The following DENND2B variants were observed in gnomAD, a reference collection of about 807,000 sequenced individuals.
The protein encoded by DENND2B is DENN domain-containing protein 2B.
In DENND2B, 32 loss-of-function variants were observed where a neutral mutation model predicts 116.0. That is an observed-to-expected ratio of 0.28 (90% CI 0.21 to 0.37). The LOEUF is 0.37. DENND2B is among the 10% of genes least tolerant of loss of function. DENND2B has a pLI of 1.00. For missense variants in DENND2B, 1,276 were observed against 1,477.7 expected (o/e 0.86, Z 2.24); for synonymous variants, 588 against 583.9 (o/e 1.01, Z -0.10).
Position 8,759,032 on chromosome 11 carries a change from G to A in DENND2B, c.-25-8307C>T, listed in dbSNP as rs1384917115. ...AGGCTGACAGCTTTTGCTCAGTCCAGCCTTCACCAGACAACTCTCTACCAT... is the reference window on the plus strand; with the variant it reads ...AGGCTGACAGCTTTTGCTCAGTCCAACCTTCACCAGACAACTCTCTACCAT... On this transcript the variant is annotated intron_variant, in intron 1 of 19. Coordinates refer to ENST00000313726, the MANE Select transcript of DENND2B (RefSeq NM_213618.2). 2.6e-5 allele frequency among the ~76,000 whole-genome samples: 4 copies of A among 152,154 alleles called. 1 individual carries two copies. Among genetic ancestry groups the A allele is most frequent in the African/African-American group, 9.7e-5 (4 of 41,440 alleles).
intron 1 of DENND2B, among the ~76,000 whole-genome samples, chr11:8,806,636 A>ACACACACACACACC (rs1426363936): frequency 7.9e-5 from 12 of 151,712 alleles, no homozygotes; most frequent in African/African-American, 2.7e-4. Flanking sequence ...ACACACACAC[A>ACACACACACACACC]CACCCAGGAG....
In DENND2B at chr11:8,693,728, C is replaced by A. The variant is rs3751072; in HGVS notation, c.*368G>T. ...GCAGCGGGGACCTCAGGCAGGCAGG[C>A]AGGCCGAAGGCCTCCAGGGAAGATC... On this transcript the variant is annotated 3_prime_UTR_variant, in exon 20 of 20. Transcript: ENST00000313726. 0.043 allele frequency: 9,136 copies of A among 212,244 alleles called. 266 individuals are homozygous for A. The highest frequency in any genetic ancestry group is 0.078 in the South Asian group (691 of 8,880). 13.1% of individuals were successfully genotyped at this position (212,244 alleles called of 1,614,324 possible). A position where few individuals can be genotyped will look rare whatever the true frequency, so the allele number is the denominator to read the frequency against.
At position 8,698,949 on chromosome 11, in the gene DENND2B, T is replaced by C. The variant is rs761911496; in HGVS notation, c.2924A>G (p.Asp975Gly). Residue 975 changes from aspartate (D) to glycine (G), a missense_variant, in exon 16 of 20, where the codon GAC (aspartate) becomes GGC (glycine). By Grantham distance (94) the Asp-to-Gly change is moderately conservative (BLOSUM62 -1). This residue lies in a region of DENND2B where 420 missense variants were observed against 631.1 expected (regional missense o/e 0.67). Transcript: ENST00000313726. ...EEALMVNLGSDRFIRQMDDED... is the reference protein window; with the variant it reads ...EEALMVNLGSGRFIRQMDDED... The stretch of plus-strand genomic sequence containing the variant: ...CCCTCTTACCTGTCGGATGAATCGG[T>C]CAGATCCCAGATTCACCATCAGCGC... 1 of 1,614,090 alleles carries C rather than the reference T, an allele frequency of 6.2e-7. No homozygotes were observed. The highest frequency in any genetic ancestry group is 8.5e-7 in the Non-Finnish European group (1 of 1,180,022).
At chr11:8,822,894 G>A (rs2061819872) in intron 4 of DENND2B, among the ~76,000 whole-genome samples, 1 of 152,050 alleles carries the variant, frequency 6.6e-6, no homozygotes, top group African/African-American at 2.4e-5. Flanking sequence ...AATATCATAG[G>A]CAAAACTCCA....
At chr11:8,875,038 T>A (rs2063827585), upstream of DENND2B, among the ~76,000 whole-genome samples, 2 of 152,096 alleles carry the variant, frequency 1.3e-5, no homozygotes, top group Non-Finnish European at 2.9e-5. Flanking sequence ...CTTTAAGTGT[T>A]CTAGGCCGGG....
chr11:8,885,209 A>G (rs1002661247), intron 1 of DENND2B, among the ~76,000 whole-genome samples: 5 of 152,250 alleles, frequency 3.3e-5, no homozygotes, highest in African/African-American at 9.6e-5. Context: ...CCCCAGGCCT[A>G]GGCCTGATCA....
intron 1 of DENND2B, among the ~76,000 whole-genome samples, chr11:8,777,654 T>C (rs1184826779): frequency 2.0e-5 from 3 of 152,200 alleles, no homozygotes; most frequent in East Asian, 1.9e-4. Context: ...GCTACACACA[T>C]TGGGAGTGCT....
chr11:8,873,685 A>G (rs1443715438), upstream of DENND2B, among the ~76,000 whole-genome samples: 2 of 152,228 alleles, frequency 1.3e-5, no homozygotes, highest in African/African-American at 4.8e-5. Context: ...GAGGACAGCA[A>G]CCTAGCCTGT....
chr11:8,803,940 T>C (rs2060585421), intron 1 of DENND2B, among the ~76,000 whole-genome samples: 2 of 152,166 alleles, frequency 1.3e-5, no homozygotes, highest in African/African-American at 4.8e-5. Context: ...GAGAGCAGCT[T>C]GTGAAGGGCC....
chr11:8,714,153 C>CCCAGAG, intron 7 of DENND2B, 111 bp from the exon 8 acceptor site: 4 of 1,117,148 alleles, frequency 3.6e-6, no homozygotes, highest in Non-Finnish European at 5.4e-6. Flanking sequence ...CTTCTCTGGG[C>CCCAGAG]TACTCTGGGC....
intron 3 of DENND2B, among the ~76,000 whole-genome samples, chr11:8,855,162 G>GAAAAGAA (rs1458311639): frequency 2.3e-5 from 2 of 85,348 alleles, no homozygotes; most frequent in Non-Finnish European, 5.8e-5. Context: ...GAAAAAGAAA[G>GAAAAGAA]AAAAGAAAAA....
intron 1 of DENND2B, among the ~76,000 whole-genome samples, chr11:8,765,101 A>G (rs980216413): frequency 3.9e-5 from 6 of 152,190 alleles, no homozygotes; most frequent in Non-Finnish European, 8.8e-5. Context: ...GATGCCTATC[A>G]TCATTCTTCC....
chr11:8,716,491 A>G (rs1277889726), intron 5 of DENND2B, among the ~76,000 whole-genome samples: 1 of 152,184 alleles, frequency 6.6e-6, no homozygotes, highest in East Asian at 1.9e-4. Context: ...AGTATCCCAC[A>G]GACACCCAAC....
At chr11:8,832,864 T>C (rs1475682304) in intron 4 of DENND2B, among the ~76,000 whole-genome samples, 1 of 152,220 alleles carries the variant, frequency 6.6e-6, no homozygotes, top group Non-Finnish European at 1.5e-5. Flanking sequence ...AGAACAAGCC[T>C]GGGCTGGCCC....
intron 1 of DENND2B, among the ~76,000 whole-genome samples, chr11:8,766,433 A>G (rs568817739): frequency 6.6e-6 from 1 of 152,240 alleles, no homozygotes; most frequent in South Asian, 2.1e-4. Context: ...CTCCAACCTC[A>G]TGAATAAAAC....
At chr11:8,734,965 A>C (rs1007260336) in intron 2 of DENND2B, among the ~76,000 whole-genome samples, 28 of 117,450 alleles carry the variant, frequency 2.4e-4, no homozygotes, top group African/African-American at 8.9e-4. Flanking sequence ...AAATTTGGTC[A>C]GTTTGCCACT....
chr11:8,847,636 A>C (rs2062860598), intron 3 of DENND2B, among the ~76,000 whole-genome samples: 1 of 152,180 alleles, frequency 6.6e-6, no homozygotes, highest in Admixed American at 6.5e-5. Context: ...GCAAGCTCTC[A>C]ATATTTGTCA....
intron 1 of DENND2B, among the ~76,000 whole-genome samples, chr11:8,806,785 C>A (rs919053590): frequency 6.6e-6 from 1 of 152,122 alleles, no homozygotes; most frequent in African/African-American, 2.4e-5. Flanking sequence ...CATAGCACCT[C>A]CCCTCCAGGA....
chr11:8,796,474 G>A (rs557672182), intron 1 of DENND2B, among the ~76,000 whole-genome samples: 1 of 152,328 alleles, frequency 6.6e-6, no homozygotes, highest in East Asian at 1.9e-4. Flanking sequence ...GGCAGGCAAC[G>A]GTTGCAGTGA....
Sources: gnomAD v4.1 joint callset for allele counts (sites outside exome capture counted in the v4.1 genomes callset) on GRCh38, gnomAD v4.1.1 for gene constraint, gnomAD v4.1.1 regional missense constraint, MANE v1.5 for transcripts, NCBI Gene and HGNC (gene_info 2026-07-23, HGNC 2026-07-21) for gene names.